The following CDH26 variants were observed in gnomAD, a reference collection of about 807,000 sequenced individuals.
CDH26 encodes cadherin-like protein 26.
In CDH26, 83 loss-of-function variants were observed where a neutral mutation model predicts 90.3. That is an observed-to-expected ratio of 0.92 (90% confidence interval 0.77 to 1.10). CDH26 has a LOEUF of 1.10. Ranked by LOEUF, CDH26 falls within the 50% of genes least tolerant of loss-of-function variation. The pLI is 0.00. For synonymous variants in CDH26, 397 were observed against 396.3 expected (o/e 1.00, Z -0.02); for missense variants, 1,013 against 1,037.6 (o/e 0.98, Z 0.33).
intron 1 of CDH26, among the ~76,000 whole-genome samples, chr20:59,967,812 C>CATTT (rs1436033845): frequency 2.2e-4 from 19 of 86,936 alleles, no homozygotes; most frequent in East Asian, 3.6e-4. Flanking sequence ...CTCCCTCCCT[C>CATTT]ATTTCTTTCT....
At chr20:59,974,023 T>C (rs2061297184) in intron 4 of CDH26, among the ~76,000 whole-genome samples, 1 of 152,262 alleles carries the variant, frequency 6.6e-6, no homozygotes. Flanking sequence ...AGTATATACA[T>C]GCTCCTTTTT....
chr20:59,975,292 A>T (rs1440832067), intron 4 of CDH26, among the ~76,000 whole-genome samples: 2 of 152,188 alleles, frequency 1.3e-5, no homozygotes, highest in African/African-American at 4.8e-5. Flanking sequence ...ACACAGAGAC[A>T]GACGCAGAGG....
chr20:59,996,654 T>C lies in CDH26; in HGVS notation c.1912T>C (p.Cys638Arg). The C allele has an allele frequency of 6.2e-7, 1 of 1,614,226 alleles. No individual in the cohort carries two copies. The highest frequency in any genetic ancestry group is 8.5e-7 in the Non-Finnish European group (1 of 1,180,042). Reference protein sequence around the residue: ...LAVALLFLLRCYFVLEPKRHG... With the variant: ...LAVALLFLLRRYFVLEPKRHG... ...AGTGGCTCTGCTTTTTCTGTTGCGA[T>C]GCTATTTTGTGCTTGAACCTAAGAG... The change falls in exon 13 of 18, where the codon TGC (cysteine) becomes CGC (arginine). Residue 638 changes from cysteine (C) to arginine (R), a missense_variant. By Grantham distance (180) the Cys-to-Arg change is radical. Transcript: ENST00000348616.
In CDH26 at chr20:59,994,371, G is replaced by T. The variant is rs1456366559; in HGVS notation, c.1548G>T (p.Glu516Asp). 1.2e-6 allele frequency: 2 copies of T among 1,614,064 alleles called. No homozygotes were observed. Among genetic ancestry groups the T allele is most frequent in the Non-Finnish European group, 1.7e-6 (2 of 1,180,024 alleles). The change falls in exon 11 of 18, where the codon GAG becomes GAT. Residue 516 changes from glutamate to aspartate, a missense_variant. Physicochemically the swap from Glu to Asp is conservative, Grantham distance 45. Coordinates refer to ENST00000348616, the MANE Select transcript of CDH26 (RefSeq NM_177980.4). The part of the protein sequence containing the change: ...YMEVCESAVH[E>D]PLHIEAEDPD... The stretch of plus-strand genomic sequence containing the variant: ...AGGTCTGTGAGTCTGCTGTGCATGA[G>T]CCCCTCCACATCGAGGCAGAGGATC...
chr20:59,969,806 A>G (rs944524459), intron 2 of CDH26, among the ~76,000 whole-genome samples: 1 of 152,236 alleles, frequency 6.6e-6, no homozygotes, highest in Admixed American at 6.5e-5. Flanking sequence ...CACATAGCAG[A>G]CAGTCATCTT....
intron 4 of CDH26, among the ~76,000 whole-genome samples, chr20:59,977,753 T>C (rs780049083): frequency 6.6e-6 from 1 of 151,342 alleles, no homozygotes; most frequent in Non-Finnish European, 1.5e-5. Flanking sequence ...ACATTTGCTA[T>C]AATTGTTGAG....
At chr20:59,989,817 C>A (rs1024319582) in intron 9 of CDH26, among the ~76,000 whole-genome samples, 2 of 152,192 alleles carry the variant, frequency 1.3e-5, no homozygotes, top group African/African-American at 2.4e-5. Context: ...TAAACCAGTA[C>A]CTCTCTTGCT....
chr20:59,967,897 CTTCCTTCCTTCCTTTCCT>C (rs1422411617), intron 1 of CDH26, among the ~76,000 whole-genome samples: 50 of 120,838 alleles, frequency 4.1e-4, no homozygotes, highest in African/African-American at 1.8e-3. Context: ...TCCTTCCTTC[CTTCCTTCCTTCCTTTCCT>C]TTCCTTTCCT....
At chr20:59,979,261 C>T (rs2061364922) in intron 4 of CDH26, among the ~76,000 whole-genome samples, 1 of 143,132 alleles carries the variant, frequency 7.0e-6, no homozygotes, top group Admixed American at 7.2e-5. Flanking sequence ...TGCAGTGGTG[C>T]AATCTTTGCT....
chr20:60,021,861 C>CACACACACACACACAT (rs2061955322), intron 7 of CDH26, among the ~76,000 whole-genome samples: 1 of 68,846 alleles, frequency 1.5e-5, no homozygotes, highest in African/African-American at 4.5e-5. Flanking sequence ...CACACACACA[C>CACACACACACACACAT]ACACACACAC....
At position 59,992,332 on chromosome 20, in the gene CDH26, G is replaced by A. The variant is rs2061536882; in HGVS notation, c.1284-46G>A. ...TTATGCAACTTTTTTATCTTTTAAT[G>A]TAAGTTTTTAATTTTAAAAATTGCT... is the stretch of plus-strand genomic sequence containing the variant. On this transcript the variant is annotated intron_variant, in intron 9 of 17. Transcript: ENST00000348616. This position sits in a 1 kb window ranked among gnomAD's most constrained non-coding sequence, Gnocchi z 5.0. The A allele has an allele frequency of 3.8e-6, 6 of 1,572,814 alleles. No homozygotes were observed. The highest frequency in any genetic ancestry group is 2.3e-5 in the East Asian group (1 of 43,808).
intron 4 of CDH26, among the ~76,000 whole-genome samples, chr20:59,980,253 G>A (rs751277177): frequency 2.0e-5 from 3 of 151,518 alleles, no homozygotes; most frequent in Admixed American, 6.6e-5. Flanking sequence ...TTTTGGAGAG[G>A]TGTCTGTTCA....
chr20:59,998,682 G>A (rs1412036346), intron 13 of CDH26, among the ~76,000 whole-genome samples: 6 of 152,194 alleles, frequency 3.9e-5, no homozygotes, highest in African/African-American at 1.2e-4. Context: ...AGACCTGGGT[G>A]TAGATTCCAA....
intron 4 of CDH26, among the ~76,000 whole-genome samples, chr20:59,979,863 G>A (rs552500050): frequency 3.3e-5 from 5 of 151,896 alleles, no homozygotes; most frequent in African/African-American, 1.2e-4. Context: ...CTGACCTCAC[G>A]TGATCCACCT....
intron 15 of CDH26, 46 bp downstream of exon 15, chr20:60,001,457 A>G (rs752231656): frequency 4.5e-5 from 73 of 1,605,018 alleles, no homozygotes; most frequent in Non-Finnish European, 6.0e-5. Context: ...CTCACTAGTG[A>G]CTAACAGTTG....
chr20:59,974,939 G>A (rs2061310429), intron 4 of CDH26, among the ~76,000 whole-genome samples: 1 of 152,100 alleles, frequency 6.6e-6, no homozygotes, highest in East Asian at 1.9e-4. Flanking sequence ...GTTCTAAGAG[G>A]GGAGAGACTC....
chr20:59,997,642 A>T (rs958310818), intron 13 of CDH26, among the ~76,000 whole-genome samples: 2 of 152,258 alleles, frequency 1.3e-5, no homozygotes. Flanking sequence ...GTTTGTCTTC[A>T]TCTAGAATTA....
Position 59,992,227 on chromosome 20 carries a change from A to G in CDH26, c.1284-151A>G. ...CTTCCATTCCTTTCGTGAATTAAACACTCTCGTAGTTTAATTGCTCTTAGA... is the reference window on the plus strand; with the variant it reads ...CTTCCATTCCTTTCGTGAATTAAACGCTCTCGTAGTTTAATTGCTCTTAGA... On this transcript the variant is annotated intron_variant, in intron 9 of 17. Coordinates refer to ENST00000348616, the MANE Select transcript of CDH26 (RefSeq NM_177980.4). The surrounding 1 kb of genome is among the most constrained non-coding windows in gnomAD (Gnocchi z 5.0). 1.4e-6 allele frequency: 1 copy of G among 732,614 alleles called. No homozygotes were observed. The allele number at this position is 732,614 out of a possible 1,614,324, so 45.4% of individuals were successfully genotyped here. A position where few individuals can be genotyped will look rare whatever the true frequency, so the allele number is the denominator to read the frequency against.
At chr20:60,001,604 T>C in intron 15 of CDH26, 193 bp downstream of exon 15, 2 of 985,472 alleles carry the variant, frequency 2.0e-6, no homozygotes, top group Non-Finnish European at 2.4e-6. Context: ...TTATTATTGG[T>C]GATGGCTGCT....
Sources: gnomAD v4.1 joint callset for allele counts (sites outside exome capture counted in the v4.1 genomes callset) on GRCh38, gnomAD v4.1.1 for gene constraint, Gnocchi (gnomAD v3.1) non-coding constraint, MANE v1.5 for transcripts, NCBI Gene and HGNC (gene_info 2026-07-23, HGNC 2026-07-21) for gene names.